The following PDE4DIP variants were observed in gnomAD, a reference collection of about 807,000 sequenced individuals.
The protein encoded by PDE4DIP is myomegalin.
In PDE4DIP, 59 loss-of-function variants were observed where a neutral mutation model predicts 221.4. That is an observed-to-expected ratio of 0.27 (90% CI 0.22 to 0.33). The LOEUF is 0.33. PDE4DIP is among the 10% of genes least tolerant of loss of function. The pLI is 1.00. For synonymous variants in PDE4DIP, 404 were observed against 815.9 expected, an observed-to-expected ratio of 0.50 and a Z score of 8.60; for missense variants, 1,036 against 2,154.2, an observed-to-expected ratio of 0.48 and a Z score of 10.28.
At chr1:148,929,632 A>G (rs1254407889) in intron 2 of PDE4DIP, 6 of 222,666 alleles carry the variant, frequency 2.7e-5, no homozygotes, top group Non-Finnish European at 5.4e-5. Flanking sequence ...AGCTGAGATA[A>G]CATTTGGGGA....
rs1224165990 is a variant in PDE4DIP, at chr1:148,956,143, AT to A, written c.637-4503del. Among the ~76,000 whole-genome samples the A allele has an allele frequency of 3.9e-5, 6 of 151,972 alleles. No homozygotes were observed. In the South Asian group the frequency reaches 8.3e-4, roughly 21 times the overall value. On this transcript the variant is annotated intron_variant, in intron 5 of 43. Transcript: ENST00000369354. ...ATATGGAAAGAATAGAAATAATATA[AT>A]TTTTTTTGGTAGTTCTCTTTTTTAG...
chr1:149,005,073 A>G (rs781855882), exon 27 of PDE4DIP: 1 of 1,613,364 alleles, frequency 6.2e-7, no homozygotes. Context: ...GTCAGAAAAC[A>G]TCTTGGTCCT....
At chr1:148,835,869 T>C (rs1673237398) in intron 1 of PDE4DIP, among the ~76,000 whole-genome samples, 1 of 96,280 alleles carries the variant, frequency 1.0e-5, no homozygotes, top group Non-Finnish European at 2.1e-5. Context: ...CCAGTTAGGC[T>C]ACTTGGGGGT....
intron 1 of PDE4DIP, among the ~76,000 whole-genome samples, chr1:148,915,350 A>C (rs1265017122): frequency 1.6e-4 from 25 of 152,378 alleles, no homozygotes; most frequent in Non-Finnish European, 1.5e-4. Flanking sequence ...GGGTTTCACC[A>C]TGTTGACCAA....
At chr1:148,938,752 A>C (rs2996281) in intron 5 of PDE4DIP, among the ~76,000 whole-genome samples, 44,349 of 145,430 alleles carry the variant, frequency 0.3, 3,736 homozygotes, top group East Asian at 0.55. Context: ...CTATTTCCGT[A>C]CAAGTGTATC....
intron 9 of PDE4DIP, among the ~76,000 whole-genome samples, chr1:148,963,049 T>C (rs2057317436): frequency 6.6e-6 from 1 of 151,968 alleles, no homozygotes; most frequent in African/African-American, 2.4e-5. Context: ...CCCGCCACCA[T>C]GCCTGGCTAA....
chr1:148,978,362 G>C, exon 19 of PDE4DIP: 2 of 1,612,360 alleles, frequency 1.2e-6, no homozygotes, highest in Non-Finnish European at 1.7e-6. Flanking sequence ...TCGGGAAAAA[G>C]TTGCTTCAGT....
chr1:148,910,921 A>G, intron 1 of PDE4DIP, among the ~76,000 whole-genome samples: 1 of 104,688 alleles, frequency 9.6e-6, no homozygotes, highest in Non-Finnish European at 1.9e-5. Context: ...GAATCCCATT[A>G]CTGGATATAT....
intron 16 of PDE4DIP, among the ~76,000 whole-genome samples, chr1:148,972,892 T>C (rs1553532121): frequency 7.7e-6 from 1 of 130,226 alleles, no homozygotes; most frequent in East Asian, 2.3e-4. Flanking sequence ...AGCAGGGCCA[T>C]GAGCTGACAC....
chr1:148,992,297 A>G (rs1553560656), intron 22 of PDE4DIP: 12 of 1,589,996 alleles, frequency 7.5e-6, no homozygotes, highest in Non-Finnish European at 1.0e-5. Context: ...CGATGGACAC[A>G]TTCCCCTTGG....
At chr1:148,998,110 G>A (rs782531288) in intron 22 of PDE4DIP, 33 bp from the exon 26 acceptor site, 2 of 835,844 alleles carry the variant, frequency 2.4e-6, no homozygotes, top group East Asian at 2.5e-5. Flanking sequence ...CTCTTTAATG[G>A]CCTAACTTCT....
At chr1:148,998,321 A>G (rs782260068) in exon 23 of PDE4DIP, 86 of 1,610,292 alleles carry the variant, frequency 5.3e-5, no homozygotes, top group Non-Finnish European at 7.1e-5. Context: ...GAGGAACTGA[A>G]GGAGCTAAAG....
At chr1:148,911,200 T>C (rs1396467769) in intron 1 of PDE4DIP, among the ~76,000 whole-genome samples, 1 of 99,380 alleles carries the variant, frequency 1.0e-5, no homozygotes, top group African/African-American at 4.8e-5. Flanking sequence ...CTGCATGTTC[T>C]CACTTATAAG....
chr1:148,955,686 G>A (rs587643773), intron 5 of PDE4DIP, among the ~76,000 whole-genome samples: 1 of 151,860 alleles, frequency 6.6e-6, no homozygotes, highest in South Asian at 2.1e-4. Context: ...GATGCTCGGA[G>A]GATTCTTTAG....
chr1:149,023,079 C>G (rs1180822689), intron 37 of PDE4DIP, among the ~76,000 whole-genome samples: 2 of 152,280 alleles, frequency 1.3e-5, no homozygotes, highest in Non-Finnish European at 2.9e-5. Context: ...TTGGTTCATC[C>G]TGAGCTACCT....
chr1:148,887,615 C>CAA (rs3978554), upstream of PDE4DIP, among the ~76,000 whole-genome samples: 4 of 5,310 alleles, frequency 7.5e-4, no homozygotes, highest in African/African-American at 3.5e-3. Flanking sequence ...GACTCTGTCT[C>CAA]AAAAAAAAAA....
intron 38 of PDE4DIP, chr1:149,026,273 A>C (rs1431798887): frequency 6.6e-6 from 1 of 150,930 alleles, no homozygotes; most frequent in African/African-American, 2.4e-5. Context: ...TTTCAGTATT[A>C]CCTCATCAGA....
rs2074452093 is a variant in PDE4DIP, at chr1:149,024,513, CG to C, written c.6155del (p.Arg2052GlnfsTer3). 1 of 1,000,868 alleles carries C rather than the reference CG, an allele frequency of 1.0e-6. No homozygotes were observed. The highest frequency in any genetic ancestry group is 1.6e-5 in the African/African-American group (1 of 61,560). The allele number at this position is 1,000,868 out of a possible 1,614,324, so 62.0% of individuals were successfully genotyped here. A position where few individuals can be genotyped will look rare whatever the true frequency, so the allele number is the denominator to read the frequency against. ...CCTGAGCCACCTGGTGGCAGAGGTA[CG>C]AGCTCTGAGAGGGCAGCTGGAGCAG... On this transcript the variant is annotated frameshift_variant, in exon 38 of 44. Coordinates refer to ENST00000369354, the Ensembl canonical transcript of PDE4DIP. LOFTEE classifies it high-confidence loss of function.
At chr1:148,979,032 A>G (rs2152175104) in intron 19 of PDE4DIP, among the ~76,000 whole-genome samples, 1 of 147,530 alleles carries the variant, frequency 6.8e-6, no homozygotes, top group Admixed American at 6.8e-5. Flanking sequence ...GATCTCTCCC[A>G]GTTAAAAAAA....
Sources: allele counts gnomAD v4.1 joint callset (sites outside exome capture counted in the v4.1 genomes callset), GRCh38; gene constraint gnomAD v4.1.1; transcripts MANE v1.5; gene names NCBI Gene and HGNC (gene_info 2026-07-23, HGNC 2026-07-21).